ATP10A: variants seen among roughly 807,000 people sequenced by gnomAD.
The protein encoded by ATP10A is ATPase phospholipid transporting 10A (putative).
In ATP10A, 111 loss-of-function variants were observed where a neutral mutation model predicts 147.8. The observed-to-expected ratio is 0.75, with a 90% CI of 0.64 to 0.88. The LOEUF (loss-of-function observed/expected upper bound fraction) is 0.88, where lower values mean the gene tolerates loss of function less well. ATP10A is among the 40% of genes least tolerant of loss of function. ATP10A has a pLI of 0.00. For synonymous variants in ATP10A, 875 were observed against 841.6 expected (o/e 1.04, Z -0.69); for missense variants, 1,927 against 1,959.0 (o/e 0.98, Z 0.31).
Position 25,678,893 on chromosome 15 carries a change from A to G in ATP10A, c.*448T>C, listed in dbSNP as rs1899205898. ...CCTTCATCTGGATGAAGTGGAGCCCAGCCCTCCTGTGTCAGTGAGACTGGA... is the reference window on the plus strand; with the variant it reads ...CCTTCATCTGGATGAAGTGGAGCCCGGCCCTCCTGTGTCAGTGAGACTGGA... On this transcript the variant is annotated 3_prime_UTR_variant, in exon 21 of 21. Transcript: ENST00000555815. 1 of 152,424 alleles carries G rather than the reference A, an allele frequency of 6.6e-6. No individual in the cohort carries two copies. Among genetic ancestry groups the G allele is most frequent in the Non-Finnish European group, 1.5e-5 (1 of 68,052 alleles). 9.4% of individuals were successfully genotyped at this position (152,424 alleles called of 1,614,324 possible).
In ATP10A at chr15:25,718,206, C is replaced by T. The variant is rs758204594; in HGVS notation, c.1557G>A (p.Lys519=). The T allele has an allele frequency of 6.2e-6, 10 of 1,613,072 alleles. No individual in the cohort carries two copies. Among genetic ancestry groups the T allele is most frequent in the Non-Finnish European group, 8.5e-6 (10 of 1,179,978 alleles). ...CCATGGGGCTGCTGAAGGCCGTGTG[C>T]TTGGACAGCATGCTGGCCCTCTTGG... ...AEAKRASMLS[K]HTAFSSPMEK... is the part of the protein sequence containing the mutation. The change falls in exon 8 of 21, where the codon AAG becomes AAA. Residue 519 remains lysine (K), a synonymous_variant. Coordinates refer to ENST00000555815, the MANE Select transcript of ATP10A (RefSeq NM_024490.4).
chr15:25,689,683 A>G, intron 15 of ATP10A, among the ~76,000 whole-genome samples: 1 of 152,196 alleles, frequency 6.6e-6, no homozygotes, highest in East Asian at 1.9e-4. Flanking sequence ...ACAGCTTTAC[A>G]TATGTGCAGA....
chr15:25,862,610 C>A (rs775371319), intron 1 of ATP10A, 38 bp downstream of exon 1: 7 of 1,505,812 alleles, frequency 4.6e-6, no homozygotes, highest in Middle Eastern at 2.2e-4. Flanking sequence ...CCCTGCCCTG[C>A]GCCACCGCGC....
intron 2 of ATP10A, among the ~76,000 whole-genome samples, chr15:25,748,653 A>C (rs1027000801): frequency 6.6e-6 from 1 of 152,052 alleles, no homozygotes; most frequent in African/African-American, 2.4e-5. Flanking sequence ...CAATTAGGTA[A>C]GAAAAAAAAA....
At chr15:25,697,780 G>A (rs58801545) in intron 13 of ATP10A, among the ~76,000 whole-genome samples, 1,875 of 152,314 alleles carry the variant, frequency 0.012, 38 homozygotes, top group African/African-American at 0.043. Context: ...ATGGGAAGAG[G>A]CAAAGAGTAC....
At chr15:25,736,191 C>T (rs543041672) in intron 2 of ATP10A, 50 bp from the exon 3 acceptor site, 5 of 1,526,846 alleles carry the variant, frequency 3.3e-6, no homozygotes, top group East Asian at 2.3e-5. Flanking sequence ...CAGGCTGCGC[C>T]GTTCTAAAAG....
intron 12 of ATP10A, among the ~76,000 whole-genome samples, chr15:25,702,350 G>T (rs902404691): frequency 2.6e-5 from 4 of 152,214 alleles, no homozygotes; most frequent in Non-Finnish European, 5.9e-5. Flanking sequence ...GAGTGCGTAG[G>T]AATAACTGTG....
chr15:25,798,697 C>T (rs893105985), intron 1 of ATP10A, among the ~76,000 whole-genome samples: 1 of 152,172 alleles, frequency 6.6e-6, no homozygotes, highest in African/African-American at 2.4e-5. Context: ...GGTGAAACAG[C>T]GCCCAGGTCT....
At chr15:25,783,886 G>A (rs979178687) in intron 1 of ATP10A, among the ~76,000 whole-genome samples, 3 of 152,174 alleles carry the variant, frequency 2.0e-5, no homozygotes, top group Non-Finnish European at 4.4e-5. Flanking sequence ...GGGGTCCTCT[G>A]GCCATGCAGA....
chr15:25,777,389 G>A (rs549126207), intron 2 of ATP10A, among the ~76,000 whole-genome samples: 3 of 152,188 alleles, frequency 2.0e-5, no homozygotes, highest in Admixed American at 2.0e-4. Flanking sequence ...AAGTTCTTAT[G>A]CTTGGCACCT....
intron 2 of ATP10A, among the ~76,000 whole-genome samples, chr15:25,736,920 A>C (rs901725615): frequency 6.6e-6 from 1 of 152,186 alleles, no homozygotes; most frequent in Admixed American, 6.5e-5. Flanking sequence ...ACACATACAA[A>C]AAGTGAAGGT....
intron 1 of ATP10A, among the ~76,000 whole-genome samples, chr15:25,810,558 G>C (rs1891384150): frequency 6.6e-6 from 1 of 152,172 alleles, no homozygotes. Flanking sequence ...ACGGGTAAAA[G>C]CCGGTCAAAG....
chr15:25,845,182 T>G (rs1469356607), intron 1 of ATP10A, among the ~76,000 whole-genome samples: 3 of 152,192 alleles, frequency 2.0e-5, no homozygotes, highest in African/African-American at 7.2e-5. Context: ...TTCTCACTGC[T>G]GACTGCCAGG....
In ATP10A at chr15:25,726,034, C is replaced by A. The variant is rs776815675; in HGVS notation, c.896G>T (p.Arg299Leu). 15 of 1,614,092 alleles carry A rather than the reference C, an allele frequency of 9.3e-6. No homozygotes were observed. The Middle Eastern group carries it at 9.9e-4, about 107-fold the overall frequency. Reference sequence around the variant, plus strand: ...GTTCATCTGCCTCTCCAGCTTGCTGCGCTTGTAGCGGGGCCCACTGTTGTT... The same window carrying A: ...GTTCATCTGCCTCTCCAGCTTGCTGAGCTTGTAGCGGGGCCCACTGTTGTT... Reference protein sequence around the residue: ...LLNNSGPRYKRSKLERQMNCD... With the variant: ...LLNNSGPRYKLSKLERQMNCD... Residue 299 changes from arginine (R) to leucine (L), a missense_variant, in exon 5 of 21, where the codon CGC becomes CTC. Coordinates refer to ENST00000555815, the MANE Select transcript of ATP10A (RefSeq NM_024490.4).
intron 13 of ATP10A, 46 bp downstream of exon 13, chr15:25,701,870 G>A (rs982602596): frequency 2.6e-6 from 4 of 1,518,512 alleles, no homozygotes; most frequent in Admixed American, 4.2e-5. Flanking sequence ...CGATAAACAT[G>A]GACCACCCCA....
intron 7 of ATP10A, among the ~76,000 whole-genome samples, chr15:25,718,925 G>T (rs766328140): frequency 1.5e-4 from 23 of 152,152 alleles, no homozygotes; most frequent in Non-Finnish European, 2.5e-4. Context: ...CTACAGCTAG[G>T]GTTTGGACTC....
At chr15:25,830,413 A>T (rs1173413675) in intron 1 of ATP10A, among the ~76,000 whole-genome samples, 1 of 152,186 alleles carries the variant, frequency 6.6e-6, no homozygotes, top group Non-Finnish European at 1.5e-5. Flanking sequence ...GGAGTGGCAA[A>T]GGTTAAAATT....
At chr15:25,765,782 A>G (rs1377210221) in intron 2 of ATP10A, among the ~76,000 whole-genome samples, 1 of 152,120 alleles carries the variant, frequency 6.6e-6, no homozygotes, top group Non-Finnish European at 1.5e-5. Context: ...TTTTCTCTAT[A>G]ACTTCACTCC....
intron 1 of ATP10A, among the ~76,000 whole-genome samples, chr15:25,859,243 C>T (rs1893648589): frequency 6.6e-6 from 1 of 152,218 alleles, no homozygotes. Flanking sequence ...CCTCAGCTCT[C>T]GGCCCCGAGG....
Sources: gnomAD v4.1 joint callset for allele counts (sites outside exome capture counted in the v4.1 genomes callset) on GRCh38, gnomAD v4.1.1 for gene constraint, MANE v1.5 for transcripts, NCBI Gene and HGNC (gene_info 2026-07-23, HGNC 2026-07-21) for gene names.